Variants in UNC80 observed in about 807,000 individuals in gnomAD.
UNC80 encodes unc-80 subunit of NALCN channel complex.
A neutral mutation model predicts 384.6 loss-of-function variants in UNC80; 164 were observed. That is an observed-to-expected ratio of 0.43 (90% confidence interval 0.38 to 0.49). The LOEUF is 0.49. Ranked by LOEUF, UNC80 falls within the 20% of genes least tolerant of loss-of-function variation. The probability of loss-of-function intolerance (pLI) is 0.00; values close to 1 mark genes in which losing one functional copy is unlikely to be tolerated. For synonymous variants in UNC80, 1,486 were observed against 1,527.8 expected, an observed-to-expected ratio of 0.97 and a Z score of 0.64; for missense variants, 3,330 against 4,143.0, an observed-to-expected ratio of 0.80 and a Z score of 5.39.
At chr2:209,913,388 T>G (rs1366500831) in intron 30 of UNC80, among the ~76,000 whole-genome samples, 1 of 152,180 alleles carries the variant, frequency 6.6e-6, no homozygotes, top group Non-Finnish European at 1.5e-5. Flanking sequence ...ATGTTCACAA[T>G]GGGCTTTTTC....
At chr2:209,795,039 G>A (rs1281574519) in intron 7 of UNC80, 1 of 221,016 alleles carries the variant, frequency 4.5e-6, no homozygotes, top group Non-Finnish European at 9.2e-6. Context: ...GAAGAAGACA[G>A]GGAAGTGTGG....
chr2:209,854,020 C>T (rs1371279247), intron 22 of UNC80, among the ~76,000 whole-genome samples: 1 of 152,022 alleles, frequency 6.6e-6, no homozygotes. Context: ...GGAAAAGAGA[C>T]ATAAACCAGG....
intron 22 of UNC80, 56 bp downstream of exon 22, chr2:209,849,679 A>G: frequency 2.0e-6 from 3 of 1,508,272 alleles, no homozygotes; most frequent in Non-Finnish European, 2.7e-6. Context: ...AGCACTATTA[A>G]CAGAGGTAAG....
intron 33 of UNC80, among the ~76,000 whole-genome samples, chr2:209,920,162 T>A (rs2089921085): frequency 6.6e-6 from 1 of 151,766 alleles, no homozygotes; most frequent in African/African-American, 2.4e-5. Flanking sequence ...AGAGCGAAAC[T>A]CCATCTCAAA....
In UNC80 at chr2:209,917,808, G is replaced by A. The variant is rs2089680335; in HGVS notation, c.5061G>A (p.Val1687=). ...AAMFLLCAVK[V]PEAVSDMLMS... ...TGTTCCTGCTGTGTGCAGTGAAGGT[G>A]CCTGAGGCCGTGTCCGACATGCTGA... is the stretch of plus-strand genomic sequence containing the variant. The change falls in exon 32 of 65, where the codon GTG becomes GTA. Residue 1687 remains valine (V), a synonymous_variant. Transcript: ENST00000673920. The A allele has an allele frequency of 6.4e-7, 1 of 1,552,166 alleles. No individual in the cohort carries two copies. The highest frequency in any genetic ancestry group is 2.4e-5 in the East Asian group (1 of 40,928).
intron 33 of UNC80, among the ~76,000 whole-genome samples, chr2:209,919,508 T>C (rs2089862072): frequency 6.6e-6 from 1 of 152,210 alleles, no homozygotes; most frequent in Non-Finnish European, 1.5e-5. Flanking sequence ...TTAACTAGTG[T>C]TATTATTTTA....
chr2:209,840,511 C>T (rs1284899726), intron 19 of UNC80, 31 bp from the exon 20 acceptor site: 6 of 1,518,258 alleles, frequency 4.0e-6, no homozygotes, highest in Non-Finnish European at 3.6e-6. Flanking sequence ...GAAAATGCTA[C>T]ATTGATCTAA....
At chr2:209,782,381 C>A (rs1283597479) in intron 4 of UNC80, among the ~76,000 whole-genome samples, 2 of 151,318 alleles carry the variant, frequency 1.3e-5, no homozygotes, top group African/African-American at 2.4e-5. Flanking sequence ...GACCGGAATG[C>A]CCTCATACCT....
chr2:209,891,467 T>C (rs2086316712), intron 26 of UNC80, among the ~76,000 whole-genome samples: 1 of 152,130 alleles, frequency 6.6e-6, no homozygotes, highest in Non-Finnish European at 1.5e-5. Flanking sequence ...TTCAAAGTTA[T>C]TATGCTAATT....
At chr2:209,992,566 A>C (rs1438056639) in intron 62 of UNC80, among the ~76,000 whole-genome samples, 1 of 152,216 alleles carries the variant, frequency 6.6e-6, no homozygotes, top group Non-Finnish European at 1.5e-5. Flanking sequence ...AGGCAAGCCA[A>C]ATGTTTCGAT....
intron 25 of UNC80, among the ~76,000 whole-genome samples, chr2:209,884,005 G>A (rs1010363638): frequency 1.3e-5 from 2 of 152,032 alleles, no homozygotes; most frequent in Admixed American, 6.6e-5. Context: ...AACTTAATTA[G>A]TGTGCTTCCC....
chr2:209,944,479 G>A (rs1400167905), intron 45 of UNC80, among the ~76,000 whole-genome samples: 2 of 152,040 alleles, frequency 1.3e-5, no homozygotes, highest in Admixed American at 6.6e-5. Flanking sequence ...TTGTTGTATC[G>A]TTGTTTTATT....
chr2:209,901,117 G>A (rs755030592), intron 28 of UNC80, among the ~76,000 whole-genome samples: 123 of 152,174 alleles, frequency 8.1e-4, no homozygotes, highest in South Asian at 4.1e-4. Context: ...GATGTAGGTG[G>A]CTATACTATA....
At chr2:209,961,872 T>C (rs1445936776) in intron 51 of UNC80, among the ~76,000 whole-genome samples, 1 of 152,158 alleles carries the variant, frequency 6.6e-6, no homozygotes, top group Non-Finnish European at 1.5e-5. Context: ...GATCATAGTT[T>C]TACCTGACAC....
chr2:209,911,110 C>T (rs1303074075), intron 29 of UNC80, among the ~76,000 whole-genome samples: 1 of 152,048 alleles, frequency 6.6e-6, no homozygotes, highest in African/African-American at 2.4e-5. Context: ...GAAGGCAGCC[C>T]TTCACAGGGC....
In UNC80 at chr2:209,918,638, A is replaced by G. The variant is rs2089760206; in HGVS notation, c.5318A>G (p.Gln1773Arg). The stretch of plus-strand genomic sequence containing the variant: ...GTTCCTCAGTGCAGCGGGAGTGTCC[A>G]GGACCCCATTAATGAAGACCAGTCT... ...PWVPQCSGSV[Q>R]DPINEDQSKS... Residue 1773 changes from glutamine to arginine, a missense_variant, in exon 33 of 65, where the codon CAG (glutamine) becomes CGG (arginine). By Grantham distance (43) the Gln-to-Arg change is conservative. This residue lies in a region of UNC80 where 1,049 missense variants were observed against 1,488.6 expected (regional missense o/e 0.70). Coordinates refer to ENST00000673920, the MANE Select transcript of UNC80 (RefSeq NM_001371986.1). 4 of 1,550,358 alleles carry G rather than the reference A, an allele frequency of 2.6e-6. No individual in the cohort carries two copies. Among genetic ancestry groups the G allele is most frequent in the Non-Finnish European group, 2.6e-6 (3 of 1,146,044 alleles).
At chr2:209,956,430 T>C (rs565562886) in intron 48 of UNC80, among the ~76,000 whole-genome samples, 2 of 115,722 alleles carry the variant, frequency 1.7e-5, no homozygotes, top group Admixed American at 8.6e-5. Context: ...TCTAGTTCCA[T>C]GCGGCTTTAG....
chr2:209,773,366 T>C (rs1224117892), intron 2 of UNC80, among the ~76,000 whole-genome samples: 1 of 152,150 alleles, frequency 6.6e-6, no homozygotes, highest in Non-Finnish European at 1.5e-5. Context: ...CACAAACAAA[T>C]AAGTAAATAC....
At chr2:209,786,746 A>C (rs2077450521) in intron 5 of UNC80, among the ~76,000 whole-genome samples, 1 of 152,084 alleles carries the variant, frequency 6.6e-6, no homozygotes. Flanking sequence ...CCAAGTCTCC[A>C]AATCTATCTC....
Sources: allele counts gnomAD v4.1 joint callset (sites outside exome capture counted in the v4.1 genomes callset), GRCh38; gene constraint gnomAD v4.1.1; regional missense constraint gnomAD v4.1.1; transcripts MANE v1.5; gene names NCBI Gene and HGNC (gene_info 2026-07-23, HGNC 2026-07-21).